The following EPAS1 variants were observed in gnomAD, a reference collection of about 807,000 sequenced individuals.
EPAS1 encodes the protein endothelial PAS domain protein 1.
EPAS1 carries 23 observed loss-of-function variants against 87.9 expected under a neutral mutation model. The observed-to-expected ratio is 0.26, with a 90% CI of 0.19 to 0.37. The LOEUF (loss-of-function observed/expected upper bound fraction) is 0.37, where lower values mean the gene tolerates loss of function less well. Ranked by LOEUF, EPAS1 falls within the 10% of genes least tolerant of loss-of-function variation. EPAS1 has a pLI of 1.00. For synonymous variants in EPAS1, 508 were observed against 444.3 expected (o/e 1.14, Z -1.80); for missense variants, 1,138 against 1,120.7 (o/e 1.02, Z -0.22).
intron 2 of EPAS1, among the ~76,000 whole-genome samples, chr2:46,350,483 T>G (rs1002695464): frequency 6.6e-6 from 1 of 152,224 alleles, no homozygotes; most frequent in Admixed American, 6.5e-5. Context: ...AGGCTGTGGG[T>G]CTGGGCTGCC....
At position 46,360,834 on chromosome 2, in the gene EPAS1, C is replaced by T. The variant is rs763419428; in HGVS notation, c.574-51C>T. On this transcript the variant is annotated intron_variant, in intron 5 of 15. Transcript: ENST00000263734. This position sits in a 1 kb window ranked among gnomAD's most constrained non-coding sequence, Gnocchi z 4.5. Reference sequence around the variant, plus strand: ...GCAGGGGATGCCTAAGGCCCTACCCCCACCCCCAGCACTCTCGGCTCCATG... The same window carrying T: ...GCAGGGGATGCCTAAGGCCCTACCCTCACCCCCAGCACTCTCGGCTCCATG... The T allele has an allele frequency of 1.2e-6, 2 of 1,612,674 alleles. No homozygotes were observed. Among genetic ancestry groups the T allele is most frequent in the East Asian group, 2.2e-5 (1 of 44,860 alleles).
intron 1 of EPAS1, among the ~76,000 whole-genome samples, chr2:46,330,166 C>G (rs1457105762): frequency 6.6e-6 from 1 of 152,184 alleles, no homozygotes; most frequent in Non-Finnish European, 1.5e-5. Context: ...TAAATCATGA[C>G]AGAATCAAAC....
intron 4 of EPAS1, among the ~76,000 whole-genome samples, chr2:46,359,590 G>A (rs1684347651): frequency 1.3e-5 from 2 of 152,132 alleles, no homozygotes; most frequent in African/African-American, 2.4e-5. Flanking sequence ...GTCCCCTAAG[G>A]ATGTTGAAGT....
intron 2 of EPAS1, among the ~76,000 whole-genome samples, chr2:46,352,540 A>G (rs1246229856): frequency 6.6e-6 from 1 of 152,216 alleles, no homozygotes; most frequent in Non-Finnish European, 1.5e-5. Context: ...CACGATGTTC[A>G]TAGGGGAAGA....
chr2:46,374,946 AT>A (rs780473528), intron 7 of EPAS1, among the ~76,000 whole-genome samples: 4 of 152,136 alleles, frequency 2.6e-5, no homozygotes, highest in African/African-American at 4.8e-5. Flanking sequence ...GAGAAGGAGT[AT>A]AAGTGATTTA....
At chr2:46,343,869 T>A (rs541824617) in intron 1 of EPAS1, among the ~76,000 whole-genome samples, 21 of 152,368 alleles carry the variant, frequency 1.4e-4, no homozygotes, top group Admixed American at 6.5e-4. Flanking sequence ...GGCAAGTAAC[T>A]TACCTGCTCA....
rs1334618707 is a variant in EPAS1 at position 46,347,744 on chromosome 2, C to G, written c.217+681C>G. Among the ~76,000 whole-genome samples, 1 of 152,210 alleles carries G rather than the reference C, an allele frequency of 6.6e-6. No homozygotes were observed. Among genetic ancestry groups the G allele is most frequent in the Non-Finnish European group, 1.5e-5 (1 of 68,044 alleles). On this transcript the variant is annotated intron_variant, in intron 2 of 15. Coordinates refer to ENST00000263734, the MANE Select transcript of EPAS1 (RefSeq NM_001430.5). This position sits in a 1 kb window ranked among gnomAD's most constrained non-coding sequence, Gnocchi z 4.2. ...AACTCCAAAGTTCACAAGACATTTGCTTTTTCTCAGTTACATTCTTCAAGA... is the reference window on the plus strand; with the variant it reads ...AACTCCAAAGTTCACAAGACATTTGGTTTTTCTCAGTTACATTCTTCAAGA...
At position 46,384,177 on chromosome 2, in the gene EPAS1, A is replaced by G. The variant is rs143259291; in HGVS notation, c.2462-332A>G. On this transcript the variant is annotated intron_variant, in intron 15 of 15. Coordinates refer to ENST00000263734, the MANE Select transcript of EPAS1 (RefSeq NM_001430.5). ...GTGTTCTGCATGTTCTGTGTATGTG[A>G]GCATAGGTGCCAGGTGGTTCAGCCT... Among the ~76,000 whole-genome samples the G allele has an allele frequency of 8.4e-3, 1,276 of 152,202 alleles. 22 individuals carry two copies. Among genetic ancestry groups the G allele is most frequent in the African/African-American group, 0.029 (1,209 of 41,504 alleles).
intron 1 of EPAS1, among the ~76,000 whole-genome samples, chr2:46,319,177 A>G (rs2044456): frequency 0.27 from 40,502 of 152,202 alleles, 6,319 homozygotes; most frequent in East Asian, 0.58. Context: ...TAGGCTTAGA[A>G]TAATTCACTT....
chr2:46,347,778 C>T lies in EPAS1; in HGVS notation c.217+715C>T, dbSNP rs567776907. Among the ~76,000 whole-genome samples, 6 of 152,302 alleles carry T rather than the reference C, an allele frequency of 3.9e-5. No homozygotes were observed. In the South Asian group the frequency reaches 6.2e-4, roughly 16 times the overall value. ...AGTTACATTCTTCAAGAAACCATTT[C>T]CTATGCGTCCTGACCAGAAACAGGT... On this transcript the variant is annotated intron_variant, in intron 2 of 15. Coordinates refer to ENST00000263734, the MANE Select transcript of EPAS1 (RefSeq NM_001430.5). The surrounding 1 kb of genome is among the most constrained non-coding windows in gnomAD (Gnocchi z 4.2).
rs774656410 is a variant in EPAS1 at position 46,346,846 on chromosome 2, G to A, written c.27-27G>A. ...ATGATAGGCTGACAGTAACCTTTCC[G>A]GGACTAACCCCTTCTTCTCCACTTA... On this transcript the variant is annotated intron_variant, in intron 1 of 15. Coordinates refer to ENST00000263734, the MANE Select transcript of EPAS1 (RefSeq NM_001430.5). This position sits in a 1 kb window ranked among gnomAD's most constrained non-coding sequence, Gnocchi z 4.0. 89 of 1,613,352 alleles carry A rather than the reference G, an allele frequency of 5.5e-5. No individual in the cohort carries two copies. Among genetic ancestry groups the A allele is most frequent in the Non-Finnish European group, 7.0e-5 (83 of 1,179,642 alleles).
chr2:46,382,724 T>C, intron 15 of EPAS1, 126 bp downstream of exon 15: 2 of 1,274,832 alleles, frequency 1.6e-6, no homozygotes. Flanking sequence ...AAGTCACCTA[T>C]ACAGGGCTCA....
At chr2:46,382,327 C>T (rs988520767) in intron 14 of EPAS1, 98 bp from the exon 15 acceptor site, 1 of 1,497,814 alleles carries the variant, frequency 6.7e-7, no homozygotes, top group African/African-American at 1.4e-5. Context: ...TCTGGTGACT[C>T]TGAGCACCTT....
intron 1 of EPAS1, among the ~76,000 whole-genome samples, chr2:46,311,824 G>A (rs1227327028): frequency 3.9e-5 from 6 of 152,182 alleles, no homozygotes; most frequent in Non-Finnish European, 8.8e-5. Flanking sequence ...CACTGTGGCC[G>A]CCAGCCAGCC....
At chr2:46,372,779 T>A (rs73926271) in intron 7 of EPAS1, among the ~76,000 whole-genome samples, 6,540 of 152,346 alleles carry the variant, frequency 0.043, 477 homozygotes, top group African/African-American at 0.15. Context: ...AACCTTTGCT[T>A]GCTGCACTGT....
At chr2:46,299,576 T>C (rs1682955623) in intron 1 of EPAS1, among the ~76,000 whole-genome samples, 1 of 152,200 alleles carries the variant, frequency 6.6e-6, no homozygotes, top group Admixed American at 6.5e-5. Context: ...CTGCAGACGC[T>C]TTCGGGTCCG....
intron 15 of EPAS1, among the ~76,000 whole-genome samples, chr2:46,382,993 T>C (rs146730668): frequency 8.0e-4 from 121 of 152,162 alleles, no homozygotes; most frequent in African/African-American, 2.7e-3. Context: ...TGAGGGCCTG[T>C]TGAAGAAGAG....
Position 46,360,441 on chromosome 2 carries a change from A to G in EPAS1, c.455-197A>G, listed in dbSNP as rs1684362664. Among the ~76,000 whole-genome samples, 1 of 152,224 alleles carries G rather than the reference A, an allele frequency of 6.6e-6. No homozygotes were observed. The highest frequency in any genetic ancestry group is 2.4e-5 in the African/African-American group (1 of 41,460). On this transcript the variant is annotated intron_variant, in intron 4 of 15. Transcript: ENST00000263734. The surrounding 1 kb of genome is among the most constrained non-coding windows in gnomAD (Gnocchi z 4.5). The stretch of plus-strand genomic sequence containing the variant: ...GGGAGTTTATGCTCCAGTTGAGGAG[A>G]TAAGCTTGAGAGTGGGAACCATTAG...
chr2:46,361,224 C>T (rs924552455), intron 6 of EPAS1, 134 bp downstream of exon 6: 79 of 990,638 alleles, frequency 8.0e-5, no homozygotes, highest in Middle Eastern at 3.0e-4. Flanking sequence ...TGGACCTGTG[C>T]CACTGTTTCA....
Sources: allele counts gnomAD v4.1 joint callset (sites outside exome capture counted in the v4.1 genomes callset), GRCh38; gene constraint gnomAD v4.1.1; non-coding constraint Gnocchi (gnomAD v3.1); transcripts MANE v1.5; gene names NCBI Gene and HGNC (gene_info 2026-07-23, HGNC 2026-07-21).